The following NPRL3 variants were observed in gnomAD, a reference collection of about 807,000 sequenced individuals.
NPRL3 encodes GATOR1 complex protein NPRL3.
Under a neutral mutation model 57.2 loss-of-function variants are expected in NPRL3, and 23 were observed. The observed-to-expected ratio is 0.40, with a 90% CI of 0.29 to 0.57. The LOEUF is 0.57. NPRL3 is among the 20% of genes least tolerant of loss of function. The probability of loss-of-function intolerance (pLI) is 0.42; values close to 1 mark genes in which losing one functional copy is unlikely to be tolerated. For missense variants in NPRL3, 691 were observed against 767.1 expected, an observed-to-expected ratio of 0.90 and a Z score of 1.17; for synonymous variants, 333 against 321.1, an observed-to-expected ratio of 1.04 and a Z score of -0.39.
rs530065112 is a variant in NPRL3 at position 122,133 on chromosome 16, G to A, written c.189-2878C>T. ...CCCCCTTGAGATGGAGTCTTGCTCTGTCGCCCAGGCTGGAGTGTAATGGCG... is the reference window on the plus strand; with the variant it reads ...CCCCCTTGAGATGGAGTCTTGCTCTATCGCCCAGGCTGGAGTGTAATGGCG... On this transcript the variant is annotated intron_variant, in intron 3 of 13. Coordinates refer to ENST00000611875, the MANE Select transcript of NPRL3 (RefSeq NM_001077350.3). 2.0e-5 allele frequency among the ~76,000 whole-genome samples: 3 copies of A among 151,236 alleles called. No homozygotes were observed. The South Asian group carries it at 6.3e-4, about 32-fold the overall frequency.
intron 3 of NPRL3, among the ~76,000 whole-genome samples, chr16:124,059 G>C (rs1465662254): frequency 7.0e-6 from 1 of 143,192 alleles, no homozygotes; most frequent in Non-Finnish European, 1.5e-5. Context: ...CCCACGCTGA[G>C]AAACAGGATC....
intron 9 of NPRL3, among the ~76,000 whole-genome samples, 187 bp from the exon 10 acceptor site, chr16:93,512 T>C (rs888040497): frequency 6.6e-6 from 1 of 151,020 alleles, no homozygotes; most frequent in South Asian, 2.1e-4. Context: ...CTTCGCAACC[T>C]CTCACTAGGA....
chr16:112,940 T>A (rs777603324), intron 5 of NPRL3, among the ~76,000 whole-genome samples, 165 bp from the exon 6 acceptor site: 1 of 152,142 alleles, frequency 6.6e-6, no homozygotes, highest in Non-Finnish European at 1.5e-5. Context: ...TGCTGCTCAT[T>A]TCCTGAGTCC....
At chr16:114,872 T>C (rs1596524254) in intron 5 of NPRL3, among the ~76,000 whole-genome samples, 2 of 151,692 alleles carry the variant, frequency 1.3e-5, no homozygotes, top group African/African-American at 4.8e-5. Context: ...GAAGGAAATA[T>C]ATGGAGCCAG....
In NPRL3 at chr16:89,701, T is replaced by TG; in HGVS notation, c.1351+11dup. ...TCCCCTGACTACCACAGCGGTGCCC[T>TG]GGGGGTCCTACTTGGGGAGCCAAAG... On this transcript the variant is annotated intron_variant, in intron 12 of 13. Transcript: ENST00000611875. 1 of 1,554,914 alleles carries TG rather than the reference T, an allele frequency of 6.4e-7. No individual in the cohort carries two copies. The highest frequency in any genetic ancestry group is 8.6e-7 in the Non-Finnish European group (1 of 1,157,932).
chr16:109,160 G>A (rs545430442), intron 7 of NPRL3, among the ~76,000 whole-genome samples: 1 of 151,994 alleles, frequency 6.6e-6, no homozygotes, highest in South Asian at 2.1e-4. Flanking sequence ...GTAGAAATGC[G>A]ATCTCACATT....
intron 7 of NPRL3, among the ~76,000 whole-genome samples, chr16:106,012 T>C (rs1424558742): frequency 6.6e-6 from 1 of 152,298 alleles, no homozygotes; most frequent in Admixed American, 6.5e-5. Context: ...CTAGCTTTAA[T>C]TAAAATAGCA....
At chr16:92,802 A>G in intron 10 of NPRL3, 77 bp from the exon 11 acceptor site, 1 of 1,570,002 alleles carries the variant, frequency 6.4e-7, no homozygotes, top group Non-Finnish European at 8.7e-7. Flanking sequence ...AGTGGGCAGC[A>G]GAGAAGCAAA....
intron 7 of NPRL3, among the ~76,000 whole-genome samples, chr16:102,907 T>C (rs1899359791): frequency 6.6e-6 from 1 of 152,052 alleles, no homozygotes; most frequent in African/African-American, 2.4e-5. Context: ...GTCAGGGTCT[T>C]TGCAGGGTGA....
chr16:121,225 C>T (rs1900264939), intron 3 of NPRL3, among the ~76,000 whole-genome samples: 2 of 152,108 alleles, frequency 1.3e-5, no homozygotes, highest in South Asian at 2.1e-4. Flanking sequence ...TTATAAATAC[C>T]TAAACTTCAA....
rs561374113 is a variant in NPRL3, at chr16:107,188, C to T, written c.629+3337G>A. ...AGCCTTTTTCAGCAAAACTCAGATT[C>T]CTGTCCTCCTTTAATATCCACTAGG... On this transcript the variant is annotated intron_variant, in intron 7 of 13. Coordinates refer to ENST00000611875, the MANE Select transcript of NPRL3 (RefSeq NM_001077350.3). Among the ~76,000 whole-genome samples, 9 of 152,280 alleles carry T rather than the reference C, an allele frequency of 5.9e-5. No individual in the cohort carries two copies. The South Asian group carries it at 8.3e-4, about 14-fold the overall frequency.
chr16:103,309 T>G (rs1210867002), intron 7 of NPRL3, among the ~76,000 whole-genome samples: 4 of 125,818 alleles, frequency 3.2e-5, no homozygotes, highest in African/African-American at 1.2e-4. Flanking sequence ...TTTTTTTTTT[T>G]TTTTTTTTTT....
At chr16:96,835 A>AG (rs958130246) in intron 9 of NPRL3, among the ~76,000 whole-genome samples, 2 of 152,056 alleles carry the variant, frequency 1.3e-5, no homozygotes, top group Non-Finnish European at 2.9e-5. Flanking sequence ...GCTCTCACAG[A>AG]GGATAGATAA....
chr16:91,950 C>T (rs1898780748), intron 11 of NPRL3, among the ~76,000 whole-genome samples: 1 of 152,204 alleles, frequency 6.6e-6, no homozygotes. Flanking sequence ...AAGCCACTGG[C>T]CCTGCCACAG....
At position 130,550 on chromosome 16, in the gene NPRL3, G is replaced by A; in HGVS notation, c.160C>T (p.His54Tyr). 6.4e-7 allele frequency: 1 copy of A among 1,554,602 alleles called. No individual in the cohort carries two copies. Among genetic ancestry groups the A allele is most frequent in the Non-Finnish European group, 8.7e-7 (1 of 1,148,786 alleles). Residue 54 changes from histidine to tyrosine, a missense_variant, in exon 3 of 14, where the codon CAT (histidine) becomes TAT (tyrosine). Physicochemically the swap from His to Tyr is moderately conservative, Grantham distance 83. Coordinates refer to ENST00000611875, the MANE Select transcript of NPRL3 (RefSeq NM_001077350.3). ...GAATCGCCGTCCTGCTCATCAGCATGGTCGCCCGTGTTGCTGGCAGCGTAT... is the reference window on the plus strand; with the variant it reads ...GAATCGCCGTCCTGCTCATCAGCATAGTCGCCCGTGTTGCTGGCAGCGTAT... ...SRYAASNTGD[H>Y]ADEQDGDSRF...
At chr16:137,789 T>G (rs142663345) in intron 2 of NPRL3, among the ~76,000 whole-genome samples, 2,409 of 152,094 alleles carry the variant, frequency 0.016, 53 homozygotes, top group East Asian at 0.07. Flanking sequence ...GGTCTCGAAC[T>G]CCTGACCTCA....
chr16:125,946 G>A (rs1330982504), intron 3 of NPRL3: 2 of 152,294 alleles, frequency 1.3e-5, no homozygotes, highest in African/African-American at 4.8e-5. Context: ...GAGCTAGAGA[G>A]TGCCTGCCTG....
chr16:106,520 G>A (rs1419598984), intron 7 of NPRL3, among the ~76,000 whole-genome samples: 1 of 150,514 alleles, frequency 6.6e-6, no homozygotes, highest in East Asian at 2.0e-4. Flanking sequence ...TATAGTCCCA[G>A]CTACTCGGGA....
In NPRL3 at chr16:87,596, G is replaced by A. The variant is rs527549915; in HGVS notation, c.1545-726C>T. On this transcript the variant is annotated intron_variant, in intron 13 of 13. Transcript: ENST00000611875. ...CTGCCCAGGCTGGAGGTGCAGTGGC[G>A]CGATCTGGGCTCACTGCAACTCCCG... Among the ~76,000 whole-genome samples the A allele has an allele frequency of 2.5e-3, 371 of 146,900 alleles. 3 individuals carry two copies. The highest frequency in any genetic ancestry group is 8.9e-3 in the African/African-American group (353 of 39,568).
Sources: allele counts gnomAD v4.1 joint callset (sites outside exome capture counted in the v4.1 genomes callset), GRCh38; gene constraint gnomAD v4.1.1; transcripts MANE v1.5; gene names NCBI Gene and HGNC (gene_info 2026-07-23, HGNC 2026-07-21).